Variants in CCDC3 observed in about 807,000 individuals in gnomAD.
CCDC3 encodes coiled-coil domain containing 3, also known as coiled-coil domain-containing protein 3.
Under a neutral mutation model 21.4 loss-of-function variants are expected in CCDC3, and 24 were observed. The ratio of observed to expected loss-of-function variants is 1.12; its 90% confidence interval spans 0.81 to 1.58. CCDC3 has a LOEUF of 1.58. CCDC3 is among the 40% of genes most tolerant of loss of function. CCDC3 has a pLI of 0.00. For synonymous variants in CCDC3, 186 were observed against 166.0 expected (o/e 1.12, Z -0.93); for missense variants, 425 against 360.9 (o/e 1.18, Z -1.44).
At chr10:12,918,571 A>G (rs1469128266) in intron 2 of CCDC3, among the ~76,000 whole-genome samples, 1 of 152,222 alleles carries the variant, frequency 6.6e-6, no homozygotes, top group African/African-American at 2.4e-5. Context: ...TCTTCTCATT[A>G]CCTATCTAGA....
intron 3 of CCDC3, among the ~76,000 whole-genome samples, chr10:13,079,924 A>G (rs1011997827): frequency 4.0e-5 from 6 of 151,768 alleles, no homozygotes; most frequent in Non-Finnish European, 7.4e-5. Context: ...GGTTAAAAAA[A>G]GAAAGGGAAC....
At chr10:12,924,848 T>G (rs80212962) in intron 2 of CCDC3, 8,484 of 152,240 alleles carry the variant, frequency 0.056, 254 homozygotes, top group Non-Finnish European at 0.071. Flanking sequence ...TCTCCAAATA[T>G]GTGGTCAATT....
At chr10:13,097,764 A>G (rs1213280107) in intron 3 of CCDC3, among the ~76,000 whole-genome samples, 2 of 152,174 alleles carry the variant, frequency 1.3e-5, no homozygotes, top group Non-Finnish European at 2.9e-5. Context: ...TCTGCTTTAG[A>G]GTCCAGAATT....
chr10:13,082,205 T>G (rs775927358), intron 3 of CCDC3, among the ~76,000 whole-genome samples: 5 of 149,574 alleles, frequency 3.3e-5, no homozygotes, highest in Non-Finnish European at 6.0e-5. Flanking sequence ...GTGCTGTTAT[T>G]TATTGGATAC....
At chr10:13,091,974 T>C (rs1222692065) in intron 3 of CCDC3, among the ~76,000 whole-genome samples, 1 of 152,076 alleles carries the variant, frequency 6.6e-6, no homozygotes, top group Non-Finnish European at 1.5e-5. Context: ...AGTGTCAATG[T>C]TGTGTCATAC....
rs34149625 is a variant in CCDC3 at position 12,959,174 on chromosome 10, C to CT, written c.549+39163dup. On this transcript the variant is annotated intron_variant, in intron 2 of 2. Coordinates refer to ENST00000378825, the MANE Select transcript of CCDC3 (RefSeq NM_031455.4). Reference sequence around the variant, plus strand: ...TCTTCATCATTTCACAAGCTACAATCTTTTTTTTTTTGAGATGGCACCTCG... The same window carrying CT: ...TCTTCATCATTTCACAAGCTACAATCTTTTTTTTTTTTGAGATGGCACCTCG... 1.6e-3 allele frequency among the ~76,000 whole-genome samples: 238 copies of CT among 147,800 alleles called. 1 individual carries two copies. The highest frequency in any genetic ancestry group is 3.4e-3 in the Middle Eastern group (1 of 290).
intron 1 of CCDC3, among the ~76,000 whole-genome samples, chr10:13,000,797 C>T (rs115383275): frequency 5.9e-5 from 9 of 152,218 alleles, no homozygotes; most frequent in Admixed American, 5.2e-4. Flanking sequence ...CTCAGAATCA[C>T]GGTTAGGAAG....
rs992045481 is a variant in CCDC3, at chr10:12,992,611, G to A, written c.549+5727C>T. Among the ~76,000 whole-genome samples the A allele has an allele frequency of 3.3e-5, 5 of 151,852 alleles. No individual in the cohort carries two copies. In the East Asian group the frequency reaches 5.8e-4, roughly 18 times the overall value. ...TAAATGGGATCTAAGCTATGGGGAC[G>A]CAAAGGCATAAGATTAAGAATGGAC... is the stretch of plus-strand genomic sequence containing the variant. On this transcript the variant is annotated intron_variant, in intron 2 of 2. Transcript: ENST00000378825.
intron 2 of CCDC3, among the ~76,000 whole-genome samples, chr10:12,908,194 T>C (rs984724685): frequency 5.9e-5 from 9 of 152,204 alleles, no homozygotes; most frequent in African/African-American, 1.9e-4. Flanking sequence ...AGGACACTCG[T>C]CTCATTAGAT....
intron 2 of CCDC3, among the ~76,000 whole-genome samples, chr10:12,978,331 C>G (rs1361677090): frequency 6.6e-6 from 1 of 152,196 alleles, no homozygotes; most frequent in African/African-American, 2.4e-5. Context: ...ATTTTCCACA[C>G]TCTTGAAGCG....
Position 13,001,449 on chromosome 10 carries a change from T to C in CCDC3, c.122A>G (p.Glu41Gly). Reference sequence around the variant, plus strand: ...CAGCACCCTGGCGTACACGATGGTCTCGGCCAGCTCGGCGCGGCAGCCCTC... The same window carrying C: ...CAGCACCCTGGCGTACACGATGGTCCCGGCCAGCTCGGCGCGGCAGCCCTC... ...LSEGCRAELAETIVYARVLAL... is the reference protein window; with the variant it reads ...LSEGCRAELAGTIVYARVLAL... Residue 41 changes from glutamate to glycine, a missense_variant, in exon 1 of 3, where the codon GAG becomes GGG. Physicochemically the swap from Glu to Gly is moderately conservative, Grantham distance 98. Transcript: ENST00000378825. 6.9e-7 allele frequency: 1 copy of C among 1,455,002 alleles called. No homozygotes were observed. Among genetic ancestry groups the C allele is most frequent in the Non-Finnish European group, 9.1e-7 (1 of 1,102,932 alleles). 90.1% of individuals were successfully genotyped at this position (1,455,002 alleles called of 1,614,324 possible). A position where few individuals can be genotyped will look rare whatever the true frequency, so the allele number is the denominator to read the frequency against.
chr10:13,001,594 G>A lies in CCDC3; in HGVS notation c.-24C>T, dbSNP rs546793450. On this transcript the variant is annotated 5_prime_UTR_variant, in exon 1 of 3. Coordinates refer to ENST00000378825, the MANE Select transcript of CCDC3 (RefSeq NM_031455.4). ...ATGCCGGGCCCTCCCGGGGCGCACG[G>A]GGCGGCGGCGGGGAGCCCGGGGAGC... The A allele has an allele frequency of 6.5e-5, 75 of 1,160,176 alleles. No homozygotes were observed. In the African/African-American group the frequency reaches 1.2e-3, roughly 18 times the overall value. 71.9% of individuals were successfully genotyped at this position (1,160,176 alleles called of 1,614,324 possible). A position where few individuals can be genotyped will look rare whatever the true frequency, so the allele number is the denominator to read the frequency against.
intron 2 of CCDC3, among the ~76,000 whole-genome samples, chr10:12,960,166 A>AC: frequency 6.1e-5 from 1 of 16,438 alleles, no homozygotes; most frequent in African/African-American, 1.8e-4. Flanking sequence ...ACACACACAC[A>AC]CAACACACAC....
intron 3 of CCDC3, among the ~76,000 whole-genome samples, chr10:13,090,092 T>C (rs890193703): frequency 5.7e-5 from 5 of 87,700 alleles, no homozygotes; most frequent in African/African-American, 2.4e-4. Flanking sequence ...CGTTTCTTTC[T>C]TTTTTTTTTT....
chr10:12,937,333 T>C (rs1192064389), intron 2 of CCDC3, among the ~76,000 whole-genome samples: 1 of 152,186 alleles, frequency 6.6e-6, no homozygotes, highest in African/African-American at 2.4e-5. Flanking sequence ...TTTTCACTCA[T>C]TTCCTACGTA....
At chr10:12,935,791 G>C (rs1834727821) in intron 2 of CCDC3, among the ~76,000 whole-genome samples, 1 of 151,876 alleles carries the variant, frequency 6.6e-6, no homozygotes, top group Non-Finnish European at 1.5e-5. Flanking sequence ...TCAACCTCTA[G>C]AGTATCTGGG....
At chr10:13,000,120 C>T (rs1278842845) in intron 1 of CCDC3, among the ~76,000 whole-genome samples, 1 of 152,210 alleles carries the variant, frequency 6.6e-6, no homozygotes, top group Non-Finnish European at 1.5e-5. Context: ...TGCAGACCCA[C>T]GTCAGCCTCA....
At chr10:12,982,955 T>C (rs1425266712) in intron 2 of CCDC3, among the ~76,000 whole-genome samples, 1 of 148,520 alleles carries the variant, frequency 6.7e-6, no homozygotes, top group Non-Finnish European at 1.5e-5. Flanking sequence ...CCACTAAAAA[T>C]ACAAAAGTTA....
At chr10:12,967,713 G>T (rs1475353974) in intron 2 of CCDC3, among the ~76,000 whole-genome samples, 1 of 151,914 alleles carries the variant, frequency 6.6e-6, no homozygotes, top group African/African-American at 2.4e-5. Flanking sequence ...AGGAATTAAG[G>T]GAAAAAAACA....
Sources: gnomAD v4.1 joint callset for allele counts (sites outside exome capture counted in the v4.1 genomes callset) on GRCh38, gnomAD v4.1.1 for gene constraint, MANE v1.5 for transcripts, NCBI Gene and HGNC (gene_info 2026-07-23, HGNC 2026-07-21) for gene names.